Variants in PRELID2 observed in about 807,000 individuals in gnomAD.
PRELID2 encodes the protein PRELI domain-containing protein 2.
A neutral mutation model predicts 28.4 loss-of-function variants in PRELID2; 25 were observed. The observed-to-expected ratio is 0.88, with a 90% CI of 0.64 to 1.23. PRELID2 has a LOEUF of 1.23. PRELID2 is among the 50% of genes most tolerant of loss of function. The pLI, the probability that PRELID2 is intolerant of heterozygous loss-of-function variation, is 0.00. For missense variants in PRELID2, 201 were observed against 214.4 expected (o/e 0.94, Z 0.39); for synonymous variants, 76 against 71.6 (o/e 1.06, Z -0.31).
chr5:145,600,434 A>AAAAAATAT (rs1315631607), intron 1 of PRELID2, among the ~76,000 whole-genome samples: 4 of 120,098 alleles, frequency 3.3e-5, no homozygotes, highest in African/African-American at 1.6e-4. Flanking sequence ...AAAAAAAAAA[A>AAAAAATAT]ATATATATAT....
rs188411474 is a variant in PRELID2, at chr5:145,497,361, G to A, written n.71-24046C>T. Among the ~76,000 whole-genome samples, 240 of 152,180 alleles carry A rather than the reference G, an allele frequency of 1.6e-3. 1 individual carries two copies. Among genetic ancestry groups the A allele is most frequent in the African/African-American group, 5.3e-3 (219 of 41,520 alleles). On this transcript the variant is annotated intron_variant and non_coding_transcript_variant, in intron 1 of 2. Coordinates refer to the PRELID2 transcript ENST00000510259. ...AAATGCAAGAACTACCACATGTAAC[G>A]TTATGGCTATATGTCTTTATTAATG...
At chr5:145,591,053 CAGGAGGCTGAGGT>C (rs1490196297) in intron 1 of PRELID2, among the ~76,000 whole-genome samples, 1 of 152,088 alleles carries the variant, frequency 6.6e-6, no homozygotes, top group African/African-American at 2.4e-5. Context: ...CCCAGCACTT[CAGGAGGCTGAGGT>C]AGGAGGATTG....
intron 1 of PRELID2, among the ~76,000 whole-genome samples, chr5:145,532,147 T>A (rs2126662401): frequency 6.6e-6 from 1 of 152,246 alleles, no homozygotes; most frequent in Middle Eastern, 3.4e-3. Flanking sequence ...ATGCGGTGGT[T>A]AAAAGCATGA....
the PRELID2 span, among the ~76,000 whole-genome samples, chr5:145,364,029 T>G: frequency 1.3e-4 from 20 of 152,126 alleles, no homozygotes; most frequent in African/African-American, 3.6e-4. Context: ...CAACAAATTC[T>G]GCTTGGAAGA....
chr5:145,621,155 T>C (rs374327093), intron 1 of PRELID2, among the ~76,000 whole-genome samples: 23 of 152,298 alleles, frequency 1.5e-4, no homozygotes, highest in Middle Eastern at 3.4e-3. Context: ...AAAGTAGATA[T>C]ACAAATGGCT....
downstream of PRELID2, among the ~76,000 whole-genome samples, chr5:145,754,565 T>C (rs993681800): frequency 6.6e-6 from 1 of 152,202 alleles, no homozygotes; most frequent in Non-Finnish European, 1.5e-5. Flanking sequence ...TGTTATAATA[T>C]GTCTAAACAG....
At chr5:145,288,680 T>C in the PRELID2 span, among the ~76,000 whole-genome samples, 1 of 152,144 alleles carries the variant, frequency 6.6e-6, no homozygotes, top group Non-Finnish European at 1.5e-5. Flanking sequence ...TATACATATG[T>C]GTTTATTAAC....
At chr5:145,571,368 C>T (rs1163742906) in intron 1 of PRELID2, among the ~76,000 whole-genome samples, 1 of 152,150 alleles carries the variant, frequency 6.6e-6, no homozygotes, top group Non-Finnish European at 1.5e-5. Flanking sequence ...ATCTGCCTCC[C>T]TTTGGAATTC....
the PRELID2 span, among the ~76,000 whole-genome samples, chr5:145,407,792 C>G: frequency 2.6e-5 from 4 of 152,164 alleles, no homozygotes; most frequent in East Asian, 7.7e-4. Flanking sequence ...GATAACCAGA[C>G]GTCCTGAGTC....
chr5:145,686,600 G>T (rs1290694420), intron 1 of PRELID2, among the ~76,000 whole-genome samples: 1 of 152,190 alleles, frequency 6.6e-6, no homozygotes, highest in African/African-American at 2.4e-5. Context: ...GACTATTTGT[G>T]TGCGTGTTTT....
chr5:145,733,082 CA>C (rs556645506), intron 1 of PRELID2, among the ~76,000 whole-genome samples: 5,451 of 77,944 alleles, frequency 0.07, 136 homozygotes, highest in East Asian at 0.14. Flanking sequence ...CCTGTCTCTA[CA>C]AAAAAAAAAA....
At chr5:145,468,158 C>G (rs956274942), downstream of PRELID2, among the ~76,000 whole-genome samples, 9 of 152,076 alleles carry the variant, frequency 5.9e-5, no homozygotes, top group Non-Finnish European at 1.2e-4. Context: ...TGAGTGAGAA[C>G]ATGTGGTGTT....
At chr5:145,334,538 T>G in the PRELID2 span, among the ~76,000 whole-genome samples, 1 of 152,230 alleles carries the variant, frequency 6.6e-6, no homozygotes, top group Admixed American at 6.5e-5. Flanking sequence ...TACAATATCC[T>G]GATGATTATT....
intron 1 of PRELID2, among the ~76,000 whole-genome samples, chr5:145,493,784 G>A (rs1485064565): frequency 3.9e-5 from 6 of 152,058 alleles, no homozygotes; most frequent in Non-Finnish European, 8.8e-5. Flanking sequence ...TATCCATGAT[G>A]AGGCTTCTCC....
intron 1 of PRELID2, among the ~76,000 whole-genome samples, chr5:145,682,313 T>C (rs1754952686): frequency 6.6e-6 from 1 of 152,172 alleles, no homozygotes; most frequent in African/African-American, 2.4e-5. Flanking sequence ...CCACCTCTGA[T>C]GGGGGAACCT....
At chr5:145,564,173 G>A (rs1752946556) in intron 1 of PRELID2, among the ~76,000 whole-genome samples, 1 of 152,158 alleles carries the variant, frequency 6.6e-6, no homozygotes, top group African/African-American at 2.4e-5. Context: ...AAACTTTGGT[G>A]TACCTGCCTC....
the PRELID2 span, among the ~76,000 whole-genome samples, chr5:145,337,220 C>A: frequency 4.6e-5 from 7 of 151,376 alleles, 1 homozygote; most frequent in Admixed American, 4.0e-4. Flanking sequence ...AAGATTAGAG[C>A]AGAAATAAAT....
chr5:145,363,116 G>GAAA, the PRELID2 span, among the ~76,000 whole-genome samples: 48 of 84,136 alleles, frequency 5.7e-4, no homozygotes, highest in African/African-American at 1.7e-3. Flanking sequence ...ATGGCTATAA[G>GAAA]AAAAAAAAAA....
chr5:145,755,627 A>C (rs997645300), downstream of PRELID2, among the ~76,000 whole-genome samples: 1 of 152,218 alleles, frequency 6.6e-6, no homozygotes, highest in Non-Finnish European at 1.5e-5. Flanking sequence ...AAGTCTCTTG[A>C]ATTTGATAGA....
Sources: gnomAD v4.1 joint callset for allele counts (sites outside exome capture counted in the v4.1 genomes callset) on GRCh38, gnomAD v4.1.1 for gene constraint, MANE v1.5 for transcripts, NCBI Gene and HGNC (gene_info 2026-07-23, HGNC 2026-07-21) for gene names.